Variants in CNTNAP5 observed in about 807,000 individuals in gnomAD.
CNTNAP5 encodes the protein contactin-associated protein-like 5.
A neutral mutation model predicts 150.2 loss-of-function variants in CNTNAP5; 72 were observed. The ratio of observed to expected loss-of-function variants is 0.48; its 90% CI spans 0.40 to 0.58. CNTNAP5 has a LOEUF of 0.58. Among genes scored for constraint, CNTNAP5 ranks in the 20% least tolerant of loss-of-function variants. CNTNAP5 has a pLI of 0.00. For missense variants in CNTNAP5, 1,636 were observed against 1,626.2 expected, an observed-to-expected ratio of 1.01 and a Z score of -0.10; for synonymous variants, 672 against 619.8, an observed-to-expected ratio of 1.08 and a Z score of -1.25.
Position 124,854,987 on chromosome 2 carries a change from C to T in CNTNAP5, c.3218-10319C>T, listed in dbSNP as rs533958234. Among the ~76,000 whole-genome samples the T allele has an allele frequency of 1.1e-4, 16 of 152,044 alleles. No homozygotes were observed. In the East Asian group the frequency reaches 2.5e-3, roughly 24 times the overall value. ...AGGGGAAAAGAGAAACAAAATAAAA[C>T]AAAAACATAACAATGTGCAGAGGCA... is the stretch of plus-strand genomic sequence containing the variant. On this transcript the variant is annotated intron_variant, in intron 19 of 23. Transcript: ENST00000682447.
chr2:124,614,104 T>A (rs1359720890), intron 12 of CNTNAP5, among the ~76,000 whole-genome samples: 5 of 152,204 alleles, frequency 3.3e-5, no homozygotes, highest in Non-Finnish European at 4.4e-5. Flanking sequence ...CCAATATAAT[T>A]TTACTCAATA....
intron 1 of CNTNAP5, among the ~76,000 whole-genome samples, chr2:124,099,758 C>T (rs927031127): frequency 5.3e-5 from 8 of 152,104 alleles, no homozygotes; most frequent in African/African-American, 1.7e-4. Flanking sequence ...GGGGCAGGCA[C>T]CTTACGTGGC....
In CNTNAP5 at chr2:124,364,191, C is replaced by T. The variant is rs148387283; in HGVS notation, c.382-53252C>T. Among the ~76,000 whole-genome samples, 55 of 152,250 alleles carry T rather than the reference C, an allele frequency of 3.6e-4. 1 individual carries two copies. In the East Asian group the frequency reaches 7.5e-3, roughly 21 times the overall value. ...TTTCTTGTTGCTCTTTCACTCTCTC[C>T]AGCCACATTGGCTGACTTGTTTTTT... On this transcript the variant is annotated intron_variant, in intron 3 of 23. Transcript: ENST00000682447.
rs1355378527 is a variant in CNTNAP5 at position 124,860,385 on chromosome 2, T to C, written c.3218-4921T>C. Among the ~76,000 whole-genome samples the C allele has an allele frequency of 3.3e-5, 5 of 151,826 alleles. No individual in the cohort carries two copies. The East Asian group carries it at 9.8e-4, about 30-fold the overall frequency. ...AAATTTCTAAGACCCACCAAATTAT[T>C]CAATTATTTCCTCCCTGCCTCCCTC... On this transcript the variant is annotated intron_variant, in intron 19 of 23. Coordinates refer to ENST00000682447, the MANE Select transcript of CNTNAP5 (RefSeq NM_001367498.1).
intron 1 of CNTNAP5, among the ~76,000 whole-genome samples, chr2:124,188,494 C>T (rs534931654): frequency 6.5e-4 from 99 of 151,884 alleles, no homozygotes; most frequent in Admixed American, 1.4e-3. Flanking sequence ...CCAAGGTGGG[C>T]GGATCATGAG....
At chr2:124,260,411 T>A (rs1016278054) in intron 3 of CNTNAP5, among the ~76,000 whole-genome samples, 2 of 152,110 alleles carry the variant, frequency 1.3e-5, no homozygotes, top group South Asian at 4.1e-4. Context: ...AACCATAAAA[T>A]CCCTAGAAGA....
At chr2:124,753,792 A>G (rs1395559248) in intron 14 of CNTNAP5, among the ~76,000 whole-genome samples, 1 of 152,218 alleles carries the variant, frequency 6.6e-6, no homozygotes, top group East Asian at 1.9e-4. Context: ...CACAATTTAT[A>G]CATATGTCAA....
intron 1 of CNTNAP5, among the ~76,000 whole-genome samples, chr2:124,179,258 C>G (rs1438568588): frequency 3.9e-5 from 6 of 152,090 alleles, no homozygotes; most frequent in African/African-American, 1.4e-4. Context: ...CTCCCAGGTT[C>G]AAGCAATTCT....
intron 14 of CNTNAP5, among the ~76,000 whole-genome samples, chr2:124,755,312 C>A (rs560435467): frequency 6.6e-6 from 1 of 152,210 alleles, no homozygotes; most frequent in Non-Finnish European, 1.5e-5. Context: ...ATTATTTGAG[C>A]AATTGCAAAA....
chr2:124,810,561 G>A (rs1038846936), intron 19 of CNTNAP5, among the ~76,000 whole-genome samples: 3 of 152,090 alleles, frequency 2.0e-5, no homozygotes, highest in African/African-American at 7.2e-5. Flanking sequence ...TTACACAAGG[G>A]TGTGAATACC....
chr2:124,814,356 G>T (rs975509990), intron 19 of CNTNAP5, among the ~76,000 whole-genome samples: 1 of 151,586 alleles, frequency 6.6e-6, no homozygotes, highest in African/African-American at 2.4e-5. Context: ...CCCAAAGACT[G>T]CATTAAGAGC....
At chr2:124,231,637 T>C (rs1464672400) in intron 2 of CNTNAP5, among the ~76,000 whole-genome samples, 1 of 152,164 alleles carries the variant, frequency 6.6e-6, no homozygotes, top group African/African-American at 2.4e-5. Flanking sequence ...GCCTTTTGAA[T>C]GCCCCTAAAA....
chr2:124,870,049 C>T (rs1307021737), intron 21 of CNTNAP5, among the ~76,000 whole-genome samples: 4 of 151,774 alleles, frequency 2.6e-5, no homozygotes, highest in African/African-American at 9.7e-5. Flanking sequence ...TTAAGTTTTA[C>T]TTAATTTTAA....
intron 12 of CNTNAP5, among the ~76,000 whole-genome samples, chr2:124,640,474 T>G (rs2105019151): frequency 6.6e-6 from 1 of 152,200 alleles, no homozygotes; most frequent in South Asian, 2.1e-4. Flanking sequence ...GAACCGGTAA[T>G]GCGCACACCT....
intron 7 of CNTNAP5, among the ~76,000 whole-genome samples, chr2:124,491,659 C>A (rs1267505153): frequency 2.0e-5 from 3 of 152,072 alleles, no homozygotes; most frequent in Non-Finnish European, 2.9e-5. Flanking sequence ...TTCTAGGGAA[C>A]CTCCATGTTG....
intron 7 of CNTNAP5, among the ~76,000 whole-genome samples, chr2:124,502,730 C>A (rs1455998954): frequency 2.0e-5 from 3 of 151,918 alleles, no homozygotes. Flanking sequence ...ACCAGAGATC[C>A]AAAAATGCAA....
chr2:124,199,413 C>CT (rs70996049), intron 1 of CNTNAP5, among the ~76,000 whole-genome samples: 53,421 of 108,444 alleles, frequency 0.49, 14,463 homozygotes, highest in Admixed American at 0.52. Flanking sequence ...TTCCAAGGTT[C>CT]TTTTTTTTTT....
At position 124,634,802 on chromosome 2, in the gene CNTNAP5, C is replaced by T. The variant is rs961273943; in HGVS notation, c.1877-12956C>T. Among the ~76,000 whole-genome samples the T allele has an allele frequency of 1.2e-4, 18 of 152,224 alleles. No individual in the cohort carries two copies. The East Asian group carries it at 1.7e-3, about 15-fold the overall frequency. On this transcript the variant is annotated intron_variant, in intron 12 of 23. Transcript: ENST00000682447. ...TACAGATGTGAGCCACTGTACCTCACGTAATAAATTTCATATCTCCATCTG... is the reference window on the plus strand; with the variant it reads ...TACAGATGTGAGCCACTGTACCTCATGTAATAAATTTCATATCTCCATCTG...
At chr2:124,669,086 C>T (rs1242695070) in intron 13 of CNTNAP5, among the ~76,000 whole-genome samples, 1 of 152,200 alleles carries the variant, frequency 6.6e-6, no homozygotes, top group Non-Finnish European at 1.5e-5. Flanking sequence ...GTTCTTTCTG[C>T]TCCCTTTTTA....
Sources: gnomAD v4.1 joint callset for allele counts (sites outside exome capture counted in the v4.1 genomes callset) on GRCh38, gnomAD v4.1.1 for gene constraint, MANE v1.5 for transcripts, NCBI Gene and HGNC (gene_info 2026-07-23, HGNC 2026-07-21) for gene names.